The following DNHD1 variants were observed in gnomAD, a reference collection of about 807,000 sequenced individuals.
DNHD1 encodes the protein dynein heavy chain domain 1.
DNHD1 carries 383 observed loss-of-function variants against 458.1 expected under a neutral mutation model. The ratio of observed to expected loss-of-function variants is 0.84; its 90% CI spans 0.77 to 0.91. DNHD1 has a LOEUF of 0.91. Among genes scored for constraint, DNHD1 ranks in the 40% least tolerant of loss-of-function variants. DNHD1 has a pLI of 0.00. For synonymous variants in DNHD1, 2,203 were observed against 2,376.9 expected, an observed-to-expected ratio of 0.93 and a Z score of 2.13; for missense variants, 5,336 against 5,866.1, an observed-to-expected ratio of 0.91 and a Z score of 2.95.
chr11:6,503,239 T>C (rs1192261674), intron 4 of DNHD1: 1 of 247,030 alleles, frequency 4.0e-6, no homozygotes, highest in Non-Finnish European at 7.7e-6. Context: ...AAGTAAATTT[T>C]ATGGTGATCT....
At position 6,567,520 on chromosome 11, in the gene DNHD1, C is replaced by T. The variant is rs1490708525; in HGVS notation, c.12011C>T (p.Ala4004Val). The T allele has an allele frequency of 6.2e-7, 1 of 1,613,512 alleles. No individual in the cohort carries two copies. Residue 4004 changes from alanine (A) to valine (V), a missense_variant, in exon 36 of 43, where the codon GCC (alanine) becomes GTC (valine). Ala to Val is a moderately conservative substitution (Grantham distance 64). Transcript: ENST00000254579. Reference sequence around the variant, plus strand: ...CTGCCCCCATTTGTTGGCCTGTGTGCCTCCCTGGCAGGCCACTCCAGTGCT... The same window carrying T: ...CTGCCCCCATTTGTTGGCCTGTGTGTCTCCCTGGCAGGCCACTCCAGTGCT... ...ELLPPFVGLC[A>V]SLAGHSSAWQ...
At chr11:6,524,957 G>A (rs1004821318) in intron 10 of DNHD1, among the ~76,000 whole-genome samples, 1 of 152,132 alleles carries the variant, frequency 6.6e-6, no homozygotes, top group South Asian at 2.1e-4. Context: ...CAAGTACCAG[G>A]TTCTTTGTAT....
chr11:6,540,735 G>C (rs1853081430), intron 18 of DNHD1, among the ~76,000 whole-genome samples: 2 of 152,196 alleles, frequency 1.3e-5, no homozygotes, highest in South Asian at 4.1e-4. Context: ...GAGAAGGGCA[G>C]ACCAGACAAA....
intron 4 of DNHD1, chr11:6,508,352 T>A (rs910099369): frequency 2.0e-5 from 3 of 153,168 alleles, no homozygotes; most frequent in Non-Finnish European, 2.9e-5. Context: ...TGTTTCGAAT[T>A]TTCTAGTCTT....
chr11:6,517,649 CTTCTTTTTTT>C (rs1564999143), intron 7 of DNHD1, among the ~76,000 whole-genome samples: 1 of 85,614 alleles, frequency 1.2e-5, no homozygotes, highest in Admixed American at 1.7e-4. Context: ...TGATCTAGGA[CTTCTTTTTTT>C]TTTTTTTTTT....
Position 6,513,849 on chromosome 11 carries a change from C to CT in DNHD1, c.1392+2432dup, listed in dbSNP as rs112302710. Among the ~76,000 whole-genome samples, 1,435 of 146,062 alleles carry CT rather than the reference C, an allele frequency of 9.8e-3. 20 individuals are homozygous for CT. Among genetic ancestry groups the CT allele is most frequent in the African/African-American group, 0.032 (1,284 of 40,172 alleles). On this transcript the variant is annotated intron_variant, in intron 7 of 42. Transcript: ENST00000254579. The stretch of plus-strand genomic sequence containing the variant: ...TGCTGATTTCCAGCTGCCTTTCATT[C>CT]TTTTTTTTTTTTGAGACGGAGTCTC...
rs1443308522 is a variant in DNHD1 at position 6,548,642 on chromosome 11, C to T, written c.7099-3C>T. 6.4e-7 allele frequency: 1 copy of T among 1,551,342 alleles called. No homozygotes were observed. Among genetic ancestry groups the T allele is most frequent in the Non-Finnish European group, 8.7e-7 (1 of 1,146,922 alleles). ...TGCAGTAAGTCCCACTTCTGTCTTG[C>T]AGACTGAACGGCTCTTGTATGTGGT... On this transcript the variant is annotated splice_region_variant and splice_polypyrimidine_tract_variant and intron_variant, in intron 23 of 42. Coordinates refer to ENST00000254579, the MANE Select transcript of DNHD1 (RefSeq NM_144666.3). The surrounding 1 kb of genome is among the most constrained non-coding windows in gnomAD (Gnocchi z 4.4).
At chr11:6,521,525 A>C (rs1225319793) in intron 10 of DNHD1, among the ~76,000 whole-genome samples, 1 of 152,192 alleles carries the variant, frequency 6.6e-6, no homozygotes, top group Non-Finnish European at 1.5e-5. Flanking sequence ...CTTGTATCTT[A>C]CCTTCAAAAT....
At position 6,519,799 on chromosome 11, in the gene DNHD1, G is replaced by A. The variant is rs1410250029; in HGVS notation, c.1592G>A (p.Ser531Asn). The change falls in exon 8 of 43, where the codon AGC (serine) becomes AAC (asparagine). Residue 531 changes from serine (S) to asparagine (N), a missense_variant. Ser to Asn is a conservative substitution (Grantham distance 46). Coordinates refer to ENST00000254579, the MANE Select transcript of DNHD1 (RefSeq NM_144666.3). ...ARLVDYMICQ[S>N]LISVLEEQIT... ...CTGGTTGACTACATGATTTGTCAGA[G>A]CCTCATTTCTGTCTTGGAAGAGCAG... 1 of 1,613,410 alleles carries A rather than the reference G, an allele frequency of 6.2e-7. No individual in the cohort carries two copies. Among genetic ancestry groups the A allele is most frequent in the Non-Finnish European group, 8.5e-7 (1 of 1,180,032 alleles).
intron 12 of DNHD1, 113 bp from the exon 13 acceptor site, chr11:6,532,914 A>G: frequency 2.0e-6 from 2 of 978,518 alleles, no homozygotes; most frequent in Non-Finnish European, 3.0e-6. Context: ...ATTAAATGAG[A>G]TAATTCATGG....
At position 6,547,076 on chromosome 11, in the gene DNHD1, A is replaced by G. The variant is rs543328322; in HGVS notation, c.6137A>G (p.Glu2046Gly). The G allele has an allele frequency of 6.4e-7, 1 of 1,551,708 alleles. No homozygotes were observed. Among genetic ancestry groups the G allele is most frequent in the South Asian group, 1.2e-5 (1 of 84,064 alleles). ...CCCCAGGAGTTCCTGGGATGGCTAG[A>G]GGGCTCCTGCTGGCATCATGGCATC... The part of the protein sequence containing the change: ...LSPQEFLGWL[E>G]GSCWHHGIFP... The change falls in exon 21 of 43, where the codon GAG (glutamate) becomes GGG (glycine). Residue 2046 changes from glutamate to glycine, a missense_variant. Glu to Gly is a moderately conservative substitution (Grantham distance 98). This residue lies in a region of DNHD1 where 3,932 missense variants were observed against 4,365.6 expected (regional missense o/e 0.90). Coordinates refer to ENST00000254579, the MANE Select transcript of DNHD1 (RefSeq NM_144666.3).
At chr11:6,533,475 C>T (rs1564811432) in intron 13 of DNHD1, among the ~76,000 whole-genome samples, 1 of 152,092 alleles carries the variant, frequency 6.6e-6, no homozygotes. Flanking sequence ...AGAAGTGGAC[C>T]CTTCACCAGA....
Position 6,570,709 on chromosome 11 carries a change from G to A in DNHD1, c.13197G>A (p.Glu4399=), listed in dbSNP as rs1318834567. Residue 4399 remains glutamate (E), a synonymous_variant, in exon 42 of 43, where the codon GAG becomes GAA. Coordinates refer to ENST00000254579, the MANE Select transcript of DNHD1 (RefSeq NM_144666.3). Reference sequence around the variant, plus strand: ...AACCCCGGCTCTGCGGACTGAGTGAGGGCCCCCAAGCCTGGCTGTTGCGAC... The same window carrying A: ...AACCCCGGCTCTGCGGACTGAGTGAAGGCCCCCAAGCCTGGCTGTTGCGAC... ...PPEPRLCGLS[E]GPQAWLLRRQ... The A allele has an allele frequency of 6.2e-7, 1 of 1,611,102 alleles. No homozygotes were observed. Among genetic ancestry groups the A allele is most frequent in the Non-Finnish European group, 8.5e-7 (1 of 1,178,694 alleles).
At chr11:6,569,601 G>A (rs537618322) in intron 39 of DNHD1, among the ~76,000 whole-genome samples, 1 of 152,288 alleles carries the variant, frequency 6.6e-6, no homozygotes, top group East Asian at 1.9e-4. Context: ...GGATCACTCT[G>A]GATGCAACAT....
chr11:6,535,349 G>A (rs143532561), intron 14 of DNHD1, among the ~76,000 whole-genome samples: 130 of 152,300 alleles, frequency 8.5e-4, no homozygotes, highest in African/African-American at 2.9e-3. Context: ...AGGACATGAA[G>A]CAAAGAAACC....
At chr11:6,554,462 T>C (rs949903259) in intron 24 of DNHD1, among the ~76,000 whole-genome samples, 1 of 152,138 alleles carries the variant, frequency 6.6e-6, no homozygotes, top group Non-Finnish European at 1.5e-5. Context: ...ATTGAAAACC[T>C]ATGCCCTTCA....
chr11:6,516,137 T>A (rs921409379), intron 7 of DNHD1, among the ~76,000 whole-genome samples: 3 of 152,064 alleles, frequency 2.0e-5, no homozygotes, highest in Non-Finnish European at 4.4e-5. Flanking sequence ...CTGAGAGGTA[T>A]ATGTTAAATA....
Position 6,570,946 on chromosome 11 carries a change from G to T in DNHD1, c.13434G>T (p.Arg4478=). The T allele has an allele frequency of 6.2e-7, 1 of 1,608,462 alleles. No individual in the cohort carries two copies. Among genetic ancestry groups the T allele is most frequent in the South Asian group, 1.1e-5 (1 of 90,992 alleles). The part of the protein sequence containing the change: ...APWSVLGPNA[R]RPLEGVLETE... ...GGTCAGTGCTGGGGCCAAATGCACG[G>T]CGGCCTCTGGAGGGCGTCTTAGAGA... Residue 4478 remains arginine (R), a synonymous_variant, in exon 42 of 43, where the codon CGG becomes CGT. Coordinates refer to ENST00000254579, the MANE Select transcript of DNHD1 (RefSeq NM_144666.3).
intron 28 of DNHD1, 142 bp downstream of exon 28, chr11:6,559,425 G>C: frequency 1.4e-6 from 1 of 714,274 alleles, no homozygotes; most frequent in Non-Finnish European, 2.3e-6. Context: ...GATCTCCGCT[G>C]CCTCCTCCTT....
Sources: allele counts gnomAD v4.1 joint callset (sites outside exome capture counted in the v4.1 genomes callset), GRCh38; gene constraint gnomAD v4.1.1; regional missense constraint gnomAD v4.1.1; non-coding constraint Gnocchi (gnomAD v3.1); transcripts MANE v1.5; gene names NCBI Gene and HGNC (gene_info 2026-07-23, HGNC 2026-07-21).